The following ZNF385B variants were observed in gnomAD, a reference collection of about 807,000 sequenced individuals.
ZNF385B encodes zinc finger protein 533.
ZNF385B carries 23 observed loss-of-function variants against 39.2 expected under a neutral mutation model. The ratio of observed to expected loss-of-function variants is 0.59; its 90% CI spans 0.42 to 0.83. The LOEUF (loss-of-function observed/expected upper bound fraction) is 0.83, where lower values mean the gene tolerates loss of function less well. Among genes scored for constraint, ZNF385B ranks in the 40% least tolerant of loss-of-function variants. The pLI, the probability that ZNF385B is intolerant of heterozygous loss-of-function variation, is 0.00. For missense variants in ZNF385B, 552 were observed against 598.9 expected, an observed-to-expected ratio of 0.92 and a Z score of 0.82; for synonymous variants, 205 against 222.6, an observed-to-expected ratio of 0.92 and a Z score of 0.70.
At chr2:179,752,092 A>G (rs566027826) in intron 3 of ZNF385B, among the ~76,000 whole-genome samples, 264 of 150,108 alleles carry the variant, frequency 1.8e-3, no homozygotes, top group African/African-American at 6.1e-3. Flanking sequence ...CCCTCTCCCC[A>G]CCCCACGACA....
At chr2:179,699,147 C>T (rs1228939027) in intron 3 of ZNF385B, among the ~76,000 whole-genome samples, 1 of 151,744 alleles carries the variant, frequency 6.6e-6, no homozygotes, top group African/African-American at 2.4e-5. Context: ...ACCATTTTAA[C>T]CATTTTTAAA....
chr2:179,723,462 G>A (rs1700815355), intron 3 of ZNF385B, among the ~76,000 whole-genome samples: 3 of 152,076 alleles, frequency 2.0e-5, no homozygotes, highest in Admixed American at 2.0e-4. Context: ...AAATATATTA[G>A]GTTGATGCAA....
intron 3 of ZNF385B, among the ~76,000 whole-genome samples, chr2:179,677,646 A>C (rs1262698728): frequency 6.6e-6 from 1 of 152,344 alleles, no homozygotes; most frequent in East Asian, 1.9e-4. Flanking sequence ...TGTGACTTAG[A>C]TAATAGTTGA....
intron 3 of ZNF385B, among the ~76,000 whole-genome samples, chr2:179,567,914 G>A (rs574506525): frequency 1.7e-4 from 26 of 152,172 alleles, no homozygotes; most frequent in African/African-American, 4.3e-4. Context: ...GGATCTTTCC[G>A]GGACCACTTA....
At chr2:179,598,955 A>C (rs940163455) in intron 3 of ZNF385B, among the ~76,000 whole-genome samples, 8 of 152,198 alleles carry the variant, frequency 5.3e-5, no homozygotes, top group African/African-American at 1.9e-4. Flanking sequence ...TTTTATATTA[A>C]GTGCTTTAGA....
At chr2:179,621,298 A>G (rs772956627) in intron 3 of ZNF385B, among the ~76,000 whole-genome samples, 2 of 152,214 alleles carry the variant, frequency 1.3e-5, no homozygotes, top group Non-Finnish European at 2.9e-5. Context: ...ACAAAGGTAT[A>G]AGAAAGATAG....
At chr2:179,660,763 C>T (rs1415930749) in intron 3 of ZNF385B, among the ~76,000 whole-genome samples, 1 of 152,050 alleles carries the variant, frequency 6.6e-6, no homozygotes, top group Non-Finnish European at 1.5e-5. Context: ...TGTGTATTAA[C>T]AATTTTTAAA....
At chr2:179,853,766 T>C (rs1684364102) in intron 1 of ZNF385B, among the ~76,000 whole-genome samples, 2 of 152,216 alleles carry the variant, frequency 1.3e-5, no homozygotes, top group Admixed American at 1.3e-4. Context: ...TCTAATTTTA[T>C]CTGATGACAA....
intron 1 of ZNF385B, among the ~76,000 whole-genome samples, chr2:179,828,748 G>C (rs972810985): frequency 1.3e-5 from 2 of 152,112 alleles, no homozygotes; most frequent in Non-Finnish European, 2.9e-5. Flanking sequence ...ACTGACAACT[G>C]TATTTCTGAA....
intron 3 of ZNF385B, among the ~76,000 whole-genome samples, chr2:179,747,396 A>G (rs538028078): frequency 6.6e-6 from 1 of 152,166 alleles, no homozygotes; most frequent in East Asian, 1.9e-4. Flanking sequence ...TGCCCCTCAC[A>G]GTCACTTTTG....
intron 5 of ZNF385B, among the ~76,000 whole-genome samples, chr2:179,513,012 A>T (rs1229793012): frequency 3.3e-5 from 5 of 152,122 alleles, no homozygotes; most frequent in Non-Finnish European, 7.4e-5. Context: ...CATGAAGCCA[A>T]CTCTGGTACA....
chr2:179,460,709 A>C (rs994396369), intron 6 of ZNF385B, among the ~76,000 whole-genome samples: 8 of 152,162 alleles, frequency 5.3e-5, no homozygotes, highest in African/African-American at 1.9e-4. Context: ...TCATGACTCA[A>C]CCAGTCCTGT....
chr2:179,575,660 G>A (rs577201548), intron 3 of ZNF385B, among the ~76,000 whole-genome samples: 4 of 152,014 alleles, frequency 2.6e-5, no homozygotes, highest in African/African-American at 7.2e-5. Flanking sequence ...CAGACCCAGG[G>A]GAAGAATATC....
chr2:179,722,818 A>G (rs1378133834), intron 3 of ZNF385B, among the ~76,000 whole-genome samples: 1 of 152,156 alleles, frequency 6.6e-6, no homozygotes, highest in Non-Finnish European at 1.5e-5. Context: ...AACATAGAAA[A>G]CTGAAAAAGA....
At chr2:179,774,589 C>T (rs1314242461) in intron 1 of ZNF385B, among the ~76,000 whole-genome samples, 1 of 152,038 alleles carries the variant, frequency 6.6e-6, no homozygotes, top group African/African-American at 2.4e-5. Flanking sequence ...GATCTCCTGA[C>T]CTTGTGATCC....
At position 179,619,517 on chromosome 2, in the gene ZNF385B, C is replaced by A. The variant is rs1169809893; in HGVS notation, c.299-74548G>T. Among the ~76,000 whole-genome samples the A allele has an allele frequency of 3.9e-5, 6 of 152,170 alleles. No individual in the cohort carries two copies. In the East Asian group the frequency reaches 1.2e-3, roughly 29 times the overall value. ...AACTTATGTGAGGATCTCAAAGCAC[C>A]TCCTGCAAAACCTCTAGGGTTCCAC... On this transcript the variant is annotated intron_variant, in intron 3 of 9. Transcript: ENST00000410066.
chr2:179,702,676 C>T (rs1201023473), intron 3 of ZNF385B, among the ~76,000 whole-genome samples: 1 of 152,076 alleles, frequency 6.6e-6, no homozygotes, highest in Non-Finnish European at 1.5e-5. Flanking sequence ...ACAGTGACAC[C>T]ACATAAACAA....
In ZNF385B at chr2:179,483,343, G is replaced by A; in HGVS notation, c.644C>T (p.Ser215Phe). ...ATKNKPKMVP[S>F]KDSAKANPSC... ...GGGATTAGCCTTTGCGCTGTCCTTG[G>A]AAGGAACCATTTTGGGTTTATTTTT... The change falls in exon 6 of 10, where the codon TCC becomes TTC. Residue 215 changes from serine (S) to phenylalanine (F), a missense_variant. Coordinates refer to ENST00000410066, the MANE Select transcript of ZNF385B (RefSeq NM_152520.6). The A allele has an allele frequency of 6.2e-7, 1 of 1,614,000 alleles. No individual in the cohort carries two copies. The highest frequency in any genetic ancestry group is 8.5e-7 in the Non-Finnish European group (1 of 1,179,938).
intron 1 of ZNF385B, among the ~76,000 whole-genome samples, chr2:179,837,249 A>G (rs1199080823): frequency 2.6e-5 from 4 of 152,232 alleles, no homozygotes; most frequent in Non-Finnish European, 5.9e-5. Flanking sequence ...AACTATGTGG[A>G]ATATAATATT....
Sources: allele counts gnomAD v4.1 joint callset (sites outside exome capture counted in the v4.1 genomes callset), GRCh38; gene constraint gnomAD v4.1.1; transcripts MANE v1.5; gene names NCBI Gene and HGNC (gene_info 2026-07-23, HGNC 2026-07-21).